Variants in MICALL2 observed in about 807,000 individuals in gnomAD.
MICALL2 encodes MICAL-like protein 2.
A neutral mutation model predicts 91.1 loss-of-function variants in MICALL2; 111 were observed. The observed-to-expected ratio is 1.22, with a 90% CI of 1.04 to 1.43. The LOEUF (loss-of-function observed/expected upper bound fraction) is 1.43, where lower values mean the gene tolerates loss of function less well. MICALL2 is among the 40% of genes most tolerant of loss of function. The probability of loss-of-function intolerance (pLI) is 0.00; values close to 1 mark genes in which losing one functional copy is unlikely to be tolerated. For synonymous variants in MICALL2, 694 were observed against 525.3 expected, an observed-to-expected ratio of 1.32 and a Z score of -4.39; for missense variants, 1,556 against 1,236.0, an observed-to-expected ratio of 1.26 and a Z score of -3.88.
At chr7:1,437,733 G>T in intron 13 of MICALL2, 125 bp from the exon 14 acceptor site, 1 of 1,253,246 alleles carries the variant, frequency 8.0e-7, no homozygotes, top group Non-Finnish European at 1.1e-6. Flanking sequence ...CTCGCCGCCC[G>T]TCCCCCGCCT....
chr7:1,434,623 TG>T lies in MICALL2; in HGVS notation c.2687del (p.Pro896GlnfsTer13). 1 of 1,588,748 alleles carries T rather than the reference TG, an allele frequency of 6.3e-7. No individual in the cohort carries two copies. Among genetic ancestry groups the T allele is most frequent in the East Asian group, 2.2e-5 (1 of 44,686 alleles). On this transcript the variant is annotated frameshift_variant, in exon 17 of 17. Coordinates refer to ENST00000297508, the MANE Select transcript of MICALL2 (RefSeq NM_182924.4). LOFTEE classifies it low-confidence loss of function (END_TRUNC). ...ACTGGGAGGGGCTGCTTTTGCTTTT[TG>T]GTGACCAGATCTTGGACAAGCGGAA... Reference protein sequence around the residue: ...SKFRLSKIWSPKSKSSPSQ With the variant: ...SKFRLSKIWSXKSKSSPSQ
chr7:1,439,181 C>T, intron 9 of MICALL2, 186 bp from the exon 10 acceptor site: 1 of 564,222 alleles, frequency 1.8e-6, no homozygotes, highest in Non-Finnish European at 3.1e-6. Context: ...GCCATGTCTC[C>T]CCAGGGGGCT....
chr7:1,434,627 G>C lies in MICALL2; in HGVS notation c.2684C>G (p.Ser895Ter), dbSNP rs1779872412. 1 of 1,586,970 alleles carries C rather than the reference G, an allele frequency of 6.3e-7. No individual in the cohort carries two copies. Among genetic ancestry groups the C allele is most frequent in the African/African-American group, 1.4e-5 (1 of 73,180 alleles). The stretch of plus-strand genomic sequence containing the variant: ...GGAGGGGCTGCTTTTGCTTTTTGGT[G>C]ACCAGATCTTGGACAAGCGGAACTT... ...KSKFRLSKIWSPKSKSSPSQ is the reference protein window; with the variant it reads ...KSKFRLSKIW Residue 895 changes from serine to a stop codon, truncating the protein, a stop_gained, in exon 17 of 17, where the codon TCA (serine) becomes TGA (stop). Coordinates refer to ENST00000297508, the MANE Select transcript of MICALL2 (RefSeq NM_182924.4). LOFTEE classifies it low-confidence loss of function (END_TRUNC).
chr7:1,459,317 T>A lies in MICALL2; in HGVS notation c.10A>T (p.Ile4Phe). ...CGGCACCACTGTTGCAGCGCCCTGATGGCCGCCATGTGGGCGGCGCGCCCG... is the reference window on the plus strand; with the variant it reads ...CGGCACCACTGTTGCAGCGCCCTGAAGGCCGCCATGTGGGCGGCGCGCCCG... MAA[I>F]RALQQWCRQQ... The change falls in exon 1 of 17, where the codon ATC (isoleucine) becomes TTC (phenylalanine). Residue 4 changes from isoleucine (I) to phenylalanine (F), a missense_variant. By Grantham distance (21) the Ile-to-Phe change is conservative. Transcript: ENST00000297508. 1.3e-6 allele frequency: 2 copies of A among 1,495,772 alleles called. No individual in the cohort carries two copies. Among genetic ancestry groups the A allele is most frequent in the Non-Finnish European group, 1.8e-6 (2 of 1,119,282 alleles). The allele number at this position is 1,495,772 out of a possible 1,614,324, so 92.7% of individuals were successfully genotyped here.
In MICALL2 at chr7:1,452,908, G is replaced by A. The variant is rs56827741; in HGVS notation, c.144-2620C>T. On this transcript the variant is annotated intron_variant, in intron 1 of 16. Transcript: ENST00000297508. The surrounding 1 kb of genome is among the most constrained non-coding windows in gnomAD (Gnocchi z 6.2). ...TGCCCCAAGCTCCTTCCCCAGGGCC[G>A]GCCCTCCAGCCTCCAGACCATGGCT... Among the ~76,000 whole-genome samples, 2,528 of 152,084 alleles carry A rather than the reference G, an allele frequency of 0.017. 64 individuals are homozygous for A. Among genetic ancestry groups the A allele is most frequent in the African/African-American group, 0.058 (2,395 of 41,480 alleles).
At chr7:1,438,660 C>G in intron 10 of MICALL2, 180 bp downstream of exon 10, 7 of 1,429,706 alleles carry the variant, frequency 4.9e-6, no homozygotes, top group Non-Finnish European at 5.5e-6. Context: ...TACTCTGAAA[C>G]AGCTAGGGTC....
At chr7:1,438,461 C>G (rs755082425) in intron 10 of MICALL2, 108 bp from the exon 11 acceptor site, 8 of 1,497,978 alleles carry the variant, frequency 5.3e-6, no homozygotes, top group Non-Finnish European at 7.1e-6. Context: ...CTGGCCCCAG[C>G]CCTGCCTCCC....
rs1316469565 is a variant in MICALL2 at position 1,459,240 on chromosome 7, C to T, written c.87G>A (p.Ser29=). 3 of 1,611,226 alleles carry T rather than the reference C, an allele frequency of 1.9e-6. No individual in the cohort carries two copies. The highest frequency in any genetic ancestry group is 1.1e-5 in the South Asian group (1 of 90,716). ...CGCAGAAAGCCAGGCCGTCGCGGAA[C>T]GACGTGGTCATGTTGCAGATATTCA... is the stretch of plus-strand genomic sequence containing the variant. The part of the protein sequence containing the change: ...RDVNICNMTT[S]FRDGLAFCAI... Residue 29 remains serine, a synonymous_variant, in exon 1 of 17, where the codon TCG becomes TCA. Transcript: ENST00000297508.
chr7:1,443,299 C>T (rs993290052), intron 6 of MICALL2, among the ~76,000 whole-genome samples: 2 of 151,772 alleles, frequency 1.3e-5, no homozygotes, highest in Non-Finnish European at 2.9e-5. Flanking sequence ...GCAGAGCGAA[C>T]TCGCTCTTCT....
chr7:1,439,765 T>C (rs1026269185), intron 9 of MICALL2, 160 bp downstream of exon 9: 21 of 525,036 alleles, frequency 4.0e-5, no homozygotes, highest in Middle Eastern at 4.8e-4. Context: ...TGCACACATG[T>C]ACACACAAGC....
At chr7:1,449,381 C>G (rs747531978) in intron 2 of MICALL2, among the ~76,000 whole-genome samples, 1 of 152,248 alleles carries the variant, frequency 6.6e-6, no homozygotes, top group Non-Finnish European at 1.5e-5. Flanking sequence ...GCAGCGTCAG[C>G]TCACTGCAAC....
intron 6 of MICALL2, among the ~76,000 whole-genome samples, chr7:1,443,802 T>G (rs970248667): frequency 6.6e-6 from 1 of 152,176 alleles, no homozygotes. Context: ...AGGTCAGACT[T>G]CTGGCCTGCA....
chr7:1,447,839 A>T, intron 3 of MICALL2, 74 bp from the exon 4 acceptor site: 3 of 1,218,156 alleles, frequency 2.5e-6, no homozygotes, highest in Non-Finnish European at 3.3e-6. Flanking sequence ...CAGAGGTCCC[A>T]GTGCCCAGCA....
chr7:1,437,747 C>T, intron 13 of MICALL2, 139 bp from the exon 14 acceptor site: 1 of 1,232,630 alleles, frequency 8.1e-7, no homozygotes, highest in South Asian at 1.3e-5. Flanking sequence ...CCCGCCTGGC[C>T]CACCCAGACC....
chr7:1,441,961 T>G (rs1584209599), intron 7 of MICALL2: 2 of 576,798 alleles, frequency 3.5e-6, no homozygotes, highest in Non-Finnish European at 3.1e-6. Context: ...GCGGATGGGG[T>G]GGGCTGGGTG....
At chr7:1,439,067 C>T in intron 9 of MICALL2, 72 bp from the exon 10 acceptor site, 4 of 1,215,796 alleles carry the variant, frequency 3.3e-6, no homozygotes, top group Non-Finnish European at 4.6e-6. Context: ...TGTCCCAGCA[C>T]AGCCAACAGC....
intron 4 of MICALL2, among the ~76,000 whole-genome samples, 169 bp from the exon 5 acceptor site, chr7:1,446,997 G>A (rs1254915421): frequency 6.6e-6 from 1 of 152,138 alleles, no homozygotes; most frequent in Non-Finnish European, 1.5e-5. Context: ...GGCAGCCCCA[G>A]TCCAGGGCCT....
In MICALL2 at chr7:1,451,817, C is replaced by G. The variant is rs1004700691; in HGVS notation, c.144-1529G>C. On this transcript the variant is annotated intron_variant, in intron 1 of 16. Transcript: ENST00000297508. This position sits in a 1 kb window ranked among gnomAD's most constrained non-coding sequence, Gnocchi z 4.5. Reference sequence around the variant, plus strand: ...CAAACGGAGAAGTGGGGGCCGAGACCCCTGTGGCCACGCAGCCTGGGCGGC... The same window carrying G: ...CAAACGGAGAAGTGGGGGCCGAGACGCCTGTGGCCACGCAGCCTGGGCGGC... Among the ~76,000 whole-genome samples, 2 of 152,220 alleles carry G rather than the reference C, an allele frequency of 1.3e-5. No individual in the cohort carries two copies. Among genetic ancestry groups the G allele is most frequent in the African/African-American group, 4.8e-5 (2 of 41,452 alleles).
chr7:1,458,525 C>A (rs1480465793), intron 1 of MICALL2, among the ~76,000 whole-genome samples: 1 of 152,256 alleles, frequency 6.6e-6, no homozygotes, highest in Non-Finnish European at 1.5e-5. Flanking sequence ...CAGGCTCGGG[C>A]CAAGATTCAG....
Sources: gnomAD v4.1 joint callset for allele counts (sites outside exome capture counted in the v4.1 genomes callset) on GRCh38, gnomAD v4.1.1 for gene constraint, Gnocchi (gnomAD v3.1) non-coding constraint, MANE v1.5 for transcripts, NCBI Gene and HGNC (gene_info 2026-07-23, HGNC 2026-07-21) for gene names.